Variants in RALYL observed in about 807,000 individuals in gnomAD.
RALYL encodes the protein RALY RNA binding protein like.
A neutral mutation model predicts 35.1 loss-of-function variants in RALYL; 29 were observed. That is an observed-to-expected ratio of 0.83 (90% CI 0.61 to 1.13). RALYL has a LOEUF of 1.13. RALYL is among the 50% of genes most tolerant of loss of function. The pLI, the probability that RALYL is intolerant of heterozygous loss-of-function variation, is 0.00. For missense variants in RALYL, 359 were observed against 360.4 expected (o/e 1.00, Z 0.03); for synonymous variants, 120 against 127.6 (o/e 0.94, Z 0.40).
chr8:84,565,550 C>T (rs369697722), intron 2 of RALYL, among the ~76,000 whole-genome samples: 20 of 151,518 alleles, frequency 1.3e-4, no homozygotes, highest in Middle Eastern at 6.8e-3. Flanking sequence ...GTTGAAAAAA[C>T]GATCTGCTTA....
intron 1 of RALYL, among the ~76,000 whole-genome samples, chr8:84,406,644 C>T (rs1306565084): frequency 6.6e-6 from 1 of 151,848 alleles, no homozygotes; most frequent in African/African-American, 2.4e-5. Context: ...AACCTCTTAC[C>T]TAGGAACATC....
intron 1 of RALYL, among the ~76,000 whole-genome samples, chr8:84,302,047 T>A (rs1390144684): frequency 6.6e-6 from 1 of 152,180 alleles, no homozygotes; most frequent in Non-Finnish European, 1.5e-5. Flanking sequence ...TCATTTAGCC[T>A]TTTGGAGTAT....
At chr8:84,285,785 G>A (rs1201636271) in intron 1 of RALYL, among the ~76,000 whole-genome samples, 1 of 152,182 alleles carries the variant, frequency 6.6e-6, no homozygotes, top group African/African-American at 2.4e-5. Flanking sequence ...ACAGCCAAAG[G>A]AAGTGAGGTC....
intron 2 of RALYL, among the ~76,000 whole-genome samples, chr8:84,738,711 A>T (rs1019793555): frequency 6.6e-6 from 1 of 152,054 alleles, no homozygotes; most frequent in African/African-American, 2.4e-5. Context: ...AGCACATTGT[A>T]AACCATAACT....
At chr8:84,317,697 A>G (rs937112515) in intron 1 of RALYL, among the ~76,000 whole-genome samples, 1 of 152,148 alleles carries the variant, frequency 6.6e-6, no homozygotes, top group African/African-American at 2.4e-5. Flanking sequence ...TGGAAGAGAG[A>G]AGGGATGTAT....
chr8:84,206,374 G>A (rs778848155), intron 1 of RALYL, among the ~76,000 whole-genome samples: 2 of 152,096 alleles, frequency 1.3e-5, no homozygotes, highest in Admixed American at 6.6e-5. Context: ...AGCTGGGAAA[G>A]TGTTCTTTGC....
At chr8:84,704,380 G>A (rs545504690) in intron 2 of RALYL, among the ~76,000 whole-genome samples, 5 of 151,464 alleles carry the variant, frequency 3.3e-5, no homozygotes, top group East Asian at 2.0e-4. Context: ...AGCCTAGATC[G>A]CACAACTGTA....
chr8:84,212,070 A>G (rs1039928819), intron 1 of RALYL, among the ~76,000 whole-genome samples: 7 of 152,166 alleles, frequency 4.6e-5, no homozygotes, highest in African/African-American at 1.7e-4. Flanking sequence ...GTTCTTAACA[A>G]TTGTGAATTC....
chr8:84,808,163 T>G (rs1220710717), intron 4 of RALYL, among the ~76,000 whole-genome samples: 2 of 152,200 alleles, frequency 1.3e-5, no homozygotes, highest in African/African-American at 4.8e-5. Flanking sequence ...TTAATCCTTC[T>G]TGAGTTGATT....
At chr8:84,816,187 A>AAAG (rs1352521101) in intron 4 of RALYL, among the ~76,000 whole-genome samples, 3 of 152,204 alleles carry the variant, frequency 2.0e-5, no homozygotes, top group African/African-American at 7.2e-5. Context: ...AGAAGGAATC[A>AAAG]AAGATCCTTC....
At chr8:84,490,740 A>G (rs2055195049) in intron 1 of RALYL, among the ~76,000 whole-genome samples, 2 of 150,932 alleles carry the variant, frequency 1.3e-5, no homozygotes, top group Admixed American at 1.3e-4. Flanking sequence ...TATACTTTTA[A>G]GTTTTTGATT....
At chr8:84,463,418 T>C (rs2133436370) in intron 1 of RALYL, among the ~76,000 whole-genome samples, 1 of 152,214 alleles carries the variant, frequency 6.6e-6, no homozygotes, top group East Asian at 1.9e-4. Context: ...TTCAATATTT[T>C]TCAAGTGTGG....
At chr8:84,851,288 T>C (rs551986482) in intron 5 of RALYL, among the ~76,000 whole-genome samples, 88 of 151,836 alleles carry the variant, frequency 5.8e-4, no homozygotes, top group Admixed American at 1.7e-3. Context: ...GTTATTATCA[T>C]GCACATTTAT....
At chr8:84,431,381 C>T (rs2047124575) in intron 1 of RALYL, among the ~76,000 whole-genome samples, 1 of 151,950 alleles carries the variant, frequency 6.6e-6, no homozygotes, top group Non-Finnish European at 1.5e-5. Context: ...TCATGGCCAA[C>T]AGGTCTATGA....
chr8:84,869,527 A>G (rs1160247154), intron 6 of RALYL, among the ~76,000 whole-genome samples: 1 of 152,170 alleles, frequency 6.6e-6, no homozygotes, highest in Non-Finnish European at 1.5e-5. Flanking sequence ...GGGTTTCAAT[A>G]GTTTGGCATG....
chr8:84,707,230 C>T (rs934512325), intron 2 of RALYL, among the ~76,000 whole-genome samples: 3 of 152,084 alleles, frequency 2.0e-5, no homozygotes, highest in African/African-American at 4.8e-5. Context: ...CCTTTTGATG[C>T]CAGTTCTTTC....
intron 2 of RALYL, among the ~76,000 whole-genome samples, chr8:84,727,071 G>A (rs899968153): frequency 6.6e-6 from 1 of 152,092 alleles, no homozygotes; most frequent in African/African-American, 2.4e-5. Flanking sequence ...AGAGAATGAA[G>A]AGGGGTTAAG....
intron 4 of RALYL, among the ~76,000 whole-genome samples, chr8:84,823,847 A>T (rs1295965284): frequency 2.6e-5 from 4 of 151,850 alleles, no homozygotes; most frequent in Non-Finnish European, 5.9e-5. Context: ...CATGCCTTCT[A>T]TCAGAAGAGA....
intron 1 of RALYL, among the ~76,000 whole-genome samples, chr8:84,226,339 A>C (rs1166011548): frequency 6.6e-6 from 1 of 152,134 alleles, no homozygotes; most frequent in Non-Finnish European, 1.5e-5. Flanking sequence ...CCTGGTGCCA[A>C]AAAGGTTGGA....
Sources: allele counts gnomAD v4.1 joint callset (sites outside exome capture counted in the v4.1 genomes callset), GRCh38; gene constraint gnomAD v4.1.1; transcripts MANE v1.5; gene names NCBI Gene and HGNC (gene_info 2026-07-23, HGNC 2026-07-21).